Variants in C3orf22 observed in about 807,000 individuals in gnomAD.
C3orf22 encodes the protein uncharacterized protein C3orf22.
Under a neutral mutation model 10.8 loss-of-function variants are expected in C3orf22, and 7 were observed. The ratio of observed to expected loss-of-function variants is 0.65; its 90% CI spans 0.37 to 1.22. The LOEUF (loss-of-function observed/expected upper bound fraction) is 1.22, where lower values mean the gene tolerates loss of function less well. Among genes scored for constraint, C3orf22 ranks in the 50% most tolerant of loss-of-function variants. The pLI is 0.02. For synonymous variants in C3orf22, 79 were observed against 78.9 expected (o/e 1.00, Z 0.00); for missense variants, 173 against 177.0 (o/e 0.98, Z 0.13).
chr3:126,555,764 C>G (rs146794121), intron 1 of C3orf22, among the ~76,000 whole-genome samples: 1 of 152,180 alleles, frequency 6.6e-6, no homozygotes, highest in South Asian at 2.1e-4. Context: ...CAAAGACCCT[C>G]TAACACCCTT....
intron 4 of C3orf22, among the ~76,000 whole-genome samples, chr3:126,532,934 T>G (rs1472346748): frequency 6.6e-6 from 1 of 152,226 alleles, no homozygotes; most frequent in Non-Finnish European, 1.5e-5. Context: ...GTCTTTAATT[T>G]CTTTCAACGA....
chr3:126,528,521 G>A (rs970607239), intron 5 of C3orf22, among the ~76,000 whole-genome samples: 1 of 152,178 alleles, frequency 6.6e-6, no homozygotes, highest in Non-Finnish European at 1.5e-5. Flanking sequence ...TGGGTTTAGA[G>A]ATCACCAAGG....
At chr3:126,549,011 G>A (rs1272771351), downstream of C3orf22, among the ~76,000 whole-genome samples, 3 of 152,188 alleles carry the variant, frequency 2.0e-5, no homozygotes, top group Admixed American at 1.3e-4. Context: ...CACAGTGGGG[G>A]GACCCTTAAA....
intron 4 of C3orf22, chr3:126,542,681 T>A: frequency 1.5e-6 from 2 of 1,360,238 alleles, no homozygotes; most frequent in Non-Finnish European, 1.9e-6. Flanking sequence ...CAAGAGCCAC[T>A]GCGTGCACTC....
chr3:126,537,420 C>T (rs1382085751), intron 4 of C3orf22, among the ~76,000 whole-genome samples: 1 of 152,248 alleles, frequency 6.6e-6, no homozygotes, highest in African/African-American at 2.4e-5. Context: ...ATCAGATTTT[C>T]ACCCTTGGGG....
chr3:126,542,849 G>C (rs1937001772), intron 4 of C3orf22: 1 of 366,922 alleles, frequency 2.7e-6, no homozygotes, highest in Non-Finnish European at 4.8e-6. Flanking sequence ...AGGCCCCGTA[G>C]ATGGGCAAGG....
rs1022156174 is a variant in C3orf22 at position 126,542,324 on chromosome 3, C to T, written c.286+7213G>A. ...CGCGCACGCGCTCTGCCACCCGTGT[C>T]GCCTCCGCTACGACGTCGTGGGCAA... On this transcript the variant is annotated intron_variant and NMD_transcript_variant, in intron 4 of 5. Transcript: ENST00000505070. 9 of 1,568,502 alleles carry T rather than the reference C, an allele frequency of 5.7e-6. No individual in the cohort carries two copies. The highest frequency in any genetic ancestry group is 5.6e-5 in the African/African-American group (4 of 71,784).
At chr3:126,554,224 GC>G (rs1050764750) in intron 1 of C3orf22, among the ~76,000 whole-genome samples, 54 of 150,796 alleles carry the variant, frequency 3.6e-4, no homozygotes, top group African/African-American at 1.3e-3. Context: ...TATTGCCCAG[GC>G]TGTACATACA....
rs111234539 is a variant in C3orf22, at chr3:126,543,941, G to A, written c.286+5596C>T. Among the ~76,000 whole-genome samples, 531 of 152,284 alleles carry A rather than the reference G, an allele frequency of 3.5e-3. 2 individuals carry two copies. The highest frequency in any genetic ancestry group is 0.012 in the African/African-American group (500 of 41,554). ...CAGCCTGGGCCCTTCCCCCACTGGA[G>A]GGACATACAAAGCCCAGGGCCTTGC... On this transcript the variant is annotated intron_variant and NMD_transcript_variant, in intron 4 of 5. Coordinates refer to the C3orf22 transcript ENST00000505070.
At chr3:126,536,000 C>T (rs753499676) in intron 4 of C3orf22, among the ~76,000 whole-genome samples, 11 of 152,186 alleles carry the variant, frequency 7.2e-5, no homozygotes, top group Admixed American at 3.9e-4. Flanking sequence ...GTATCACCTT[C>T]CCACTTGTCC....
At chr3:126,539,700 C>A (rs1366922431) in intron 4 of C3orf22, among the ~76,000 whole-genome samples, 3 of 123,228 alleles carry the variant, frequency 2.4e-5, no homozygotes, top group Admixed American at 8.0e-5. Context: ...ACACACACAC[C>A]ACACACATAT....
intron 4 of C3orf22, among the ~76,000 whole-genome samples, chr3:126,529,567 T>C (rs956641834): frequency 6.6e-6 from 1 of 152,130 alleles, no homozygotes; most frequent in Non-Finnish European, 1.5e-5. Context: ...GGGATAAAGA[T>C]AGTTTCTACA....
chr3:126,528,747 T>G (rs1199992835), intron 5 of C3orf22, among the ~76,000 whole-genome samples: 1 of 152,016 alleles, frequency 6.6e-6, no homozygotes, highest in Non-Finnish European at 1.5e-5. Flanking sequence ...GTTCAGCAAA[T>G]GGAGTTTGAA....
At chr3:126,530,280 T>C (rs189092161) in intron 4 of C3orf22, among the ~76,000 whole-genome samples, 1 of 152,340 alleles carries the variant, frequency 6.6e-6, no homozygotes, top group East Asian at 1.9e-4. Context: ...TGCTCCCTTT[T>C]CCCTTCTACC....
chr3:126,535,590 GTCGGGAGACA>G (rs1936772113), intron 4 of C3orf22, among the ~76,000 whole-genome samples: 1 of 151,832 alleles, frequency 6.6e-6, no homozygotes, highest in African/African-American at 2.4e-5. Flanking sequence ...ACTTTCCTCA[GTCGGGAGACA>G]GCCGGACAGC....
chr3:126,552,093 T>A lies in C3orf22; in HGVS notation c.119A>T (p.Glu40Val). 1.9e-6 allele frequency: 3 copies of A among 1,613,848 alleles called. No individual in the cohort carries two copies. The highest frequency in any genetic ancestry group is 2.5e-6 in the Non-Finnish European group (3 of 1,179,936). ...TGTGACCTCCCAGGGCTGCAGGGGC[T>A]CAGGGTCGGGCTCTGTCAGCCACGA... ...RLSWLTEPDP[E>V]PLQPWEVTND... is the part of the protein sequence containing the mutation. Residue 40 changes from glutamate to valine, a missense_variant, in exon 3 of 4, where the codon GAG becomes GTG. Physicochemically the swap from Glu to Val is moderately radical, Grantham distance 121 (BLOSUM62 -2). Transcript: ENST00000318225.
intron 3 of C3orf22, among the ~76,000 whole-genome samples, chr3:126,550,629 T>C (rs1352543848): frequency 6.6e-6 from 1 of 152,148 alleles, no homozygotes; most frequent in African/African-American, 2.4e-5. Context: ...TTGCTGCCAT[T>C]TGACTGAGGC....
chr3:126,533,522 C>A lies in C3orf22; in HGVS notation c.287-4150G>T, dbSNP rs139919752. Among the ~76,000 whole-genome samples, 280 of 152,278 alleles carry A rather than the reference C, an allele frequency of 1.8e-3. 1 individual carries two copies. Among genetic ancestry groups the A allele is most frequent in the African/African-American group, 6.4e-3 (268 of 41,562 alleles). On this transcript the variant is annotated intron_variant and NMD_transcript_variant, in intron 4 of 5. Transcript: ENST00000505070. ...TTGATTCTATTAATACAGTGTATTA[C>A]ATTGATTGATTTGTGTATATTTAGC...
At position 126,551,983 on chromosome 3, in the gene C3orf22, G is replaced by A. The variant is rs1937198188; in HGVS notation, c.215+14C>T. 1 of 1,602,022 alleles carries A rather than the reference G, an allele frequency of 6.2e-7. No individual in the cohort carries two copies. The highest frequency in any genetic ancestry group is 8.5e-7 in the Non-Finnish European group (1 of 1,173,366). On this transcript the variant is annotated intron_variant, in intron 3 of 3. Coordinates refer to ENST00000318225, the MANE Select transcript of C3orf22 (RefSeq NM_152533.3). The stretch of plus-strand genomic sequence containing the variant: ...ACAGCCAGTGGGGGTGGTGGCATCA[G>A]GGCAGGGACTTACCCTCGGACTGGG...
Sources: allele counts gnomAD v4.1 joint callset (sites outside exome capture counted in the v4.1 genomes callset), GRCh38; gene constraint gnomAD v4.1.1; transcripts MANE v1.5; gene names NCBI Gene and HGNC (gene_info 2026-07-23, HGNC 2026-07-21).